Variants in RALGAPA1 observed in about 807,000 individuals in gnomAD.
RALGAPA1 encodes ral GTPase-activating protein subunit alpha-1.
A neutral mutation model predicts 269.6 loss-of-function variants in RALGAPA1; 52 were observed. That is an observed-to-expected ratio of 0.19 (90% CI 0.15 to 0.24). The LOEUF (loss-of-function observed/expected upper bound fraction) is 0.24. Among genes scored for constraint, RALGAPA1 ranks in the 10% least tolerant of loss-of-function variants. RALGAPA1 has a pLI of 1.00. For synonymous variants in RALGAPA1, 817 were observed against 1,008.3 expected (o/e 0.81, Z 3.60); for missense variants, 1,917 against 3,013.9 (o/e 0.64, Z 8.52).
At chr14:35,656,639 T>G (rs2063193213) in intron 28 of RALGAPA1, among the ~76,000 whole-genome samples, 1 of 152,208 alleles carries the variant, frequency 6.6e-6, no homozygotes, top group Admixed American at 6.5e-5. Flanking sequence ...ATATGCCATG[T>G]CCCGATACTG....
At chr14:35,574,749 T>G (rs986263225) in intron 37 of RALGAPA1, among the ~76,000 whole-genome samples, 4 of 152,152 alleles carry the variant, frequency 2.6e-5, no homozygotes, top group Non-Finnish European at 2.9e-5. Context: ...TAATAGAAAT[T>G]TCAGGCATAT....
intron 41 of RALGAPA1, among the ~76,000 whole-genome samples, chr14:35,543,461 T>G (rs921131291): frequency 2.0e-5 from 3 of 152,030 alleles, no homozygotes; most frequent in Non-Finnish European, 4.4e-5. Flanking sequence ...ACCATTAAAT[T>G]TAGTTTGAAG....
At chr14:35,799,604 A>C (rs189822101) in intron 1 of RALGAPA1, among the ~76,000 whole-genome samples, 3 of 152,148 alleles carry the variant, frequency 2.0e-5, no homozygotes, top group African/African-American at 7.2e-5. Context: ...ATAAATCATA[A>C]AGCAGTCACT....
At chr14:35,654,875 A>C (rs375857991) in intron 29 of RALGAPA1, among the ~76,000 whole-genome samples, 4 of 152,194 alleles carry the variant, frequency 2.6e-5, no homozygotes, top group African/African-American at 9.6e-5. Flanking sequence ...CCCCAATGGC[A>C]TAAAGACAAA....
At chr14:35,646,308 A>G (rs1172021633) in intron 31 of RALGAPA1, among the ~76,000 whole-genome samples, 1 of 152,228 alleles carries the variant, frequency 6.6e-6, no homozygotes, top group African/African-American at 2.4e-5. Context: ...AGGATTAAAC[A>G]GTAGCTTTAC....
Position 35,627,814 on chromosome 14 carries a change from T to C in RALGAPA1, c.6133A>G (p.Asn2045Asp). 6.3e-7 allele frequency: 1 copy of C among 1,575,746 alleles called. No individual in the cohort carries two copies. The highest frequency in any genetic ancestry group is 8.7e-7 in the Non-Finnish European group (1 of 1,152,252). ...AGTTCAGTACTTTCACTGTAATGATTGTCGTGATTTTCACACACCTGACTT... is the reference window on the plus strand; with the variant it reads ...AGTTCAGTACTTTCACTGTAATGATCGTCGTGATTTTCACACACCTGACTT... ...LTSQVCENHD[N>D]HYSESTELSP... The change falls in exon 34 of 42, where the codon AAT becomes GAT. Residue 2045 changes from asparagine (N) to aspartate (D), a missense_variant. This residue lies in a region of RALGAPA1 where 346 missense variants were observed against 566.1 expected (regional missense o/e 0.61). Coordinates refer to ENST00000680220, the MANE Select transcript of RALGAPA1 (RefSeq NM_001346249.2).
chr14:35,793,230 A>G (rs2076317767), intron 1 of RALGAPA1, among the ~76,000 whole-genome samples: 2 of 151,572 alleles, frequency 1.3e-5, no homozygotes, highest in Non-Finnish European at 2.9e-5. Flanking sequence ...TATTCTCTCC[A>G]AAGTCTACTT....
chr14:35,626,629 C>G (rs917700812), intron 34 of RALGAPA1, among the ~76,000 whole-genome samples: 10 of 152,100 alleles, frequency 6.6e-5, no homozygotes, highest in Admixed American at 5.9e-4. Flanking sequence ...TTAGCTCCTA[C>G]CTAACTTACT....
intron 29 of RALGAPA1, 24 bp from the exon 30 acceptor site, chr14:35,654,501 T>A: frequency 1.3e-6 from 2 of 1,568,226 alleles, no homozygotes; most frequent in Non-Finnish European, 1.7e-6. Context: ...AAAAAAGTTT[T>A]AAAAATTTTC....
intron 31 of RALGAPA1, among the ~76,000 whole-genome samples, chr14:35,648,403 T>C (rs1187026204): frequency 7.3e-5 from 11 of 149,774 alleles, no homozygotes; most frequent in South Asian, 2.1e-4. Flanking sequence ...GAGGCGGAGA[T>C]TGCAGTGAGC....
intron 9 of RALGAPA1, 31 bp downstream of exon 9, chr14:35,750,451 C>G (rs1334507188): frequency 6.3e-7 from 1 of 1,588,258 alleles, no homozygotes; most frequent in African/African-American, 1.3e-5. Flanking sequence ...CCATTTCTAA[C>G]TTTAACAGGC....
intron 1 of RALGAPA1, among the ~76,000 whole-genome samples, chr14:35,787,792 G>C (rs1165112109): frequency 6.6e-6 from 1 of 151,350 alleles, no homozygotes; most frequent in Non-Finnish European, 1.5e-5. Context: ...ATGTCGCCCA[G>C]GCTGGTCTCA....
At chr14:35,711,875 T>G (rs1172071185) in intron 16 of RALGAPA1, among the ~76,000 whole-genome samples, 3 of 152,216 alleles carry the variant, frequency 2.0e-5, no homozygotes, top group Admixed American at 2.0e-4. Context: ...CTGCTGTCAA[T>G]CATTTCACTA....
At chr14:35,795,529 G>C (rs2141848747) in intron 1 of RALGAPA1, among the ~76,000 whole-genome samples, 1 of 152,276 alleles carries the variant, frequency 6.6e-6, no homozygotes, top group East Asian at 1.9e-4. Flanking sequence ...CTCATAATTT[G>C]TGGGGCCTTG....
intron 6 of RALGAPA1, among the ~76,000 whole-genome samples, chr14:35,758,307 C>A (rs1020167043): frequency 6.8e-6 from 1 of 147,280 alleles, no homozygotes; most frequent in Non-Finnish European, 1.5e-5. Flanking sequence ...CAAACTTTAT[C>A]ATCTGTACTC....
Position 35,572,154 on chromosome 14 carries a change from G to A in RALGAPA1, c.7368+406C>T, listed in dbSNP as rs78406948. On this transcript the variant is annotated intron_variant, in intron 38 of 41. Coordinates refer to ENST00000680220, the MANE Select transcript of RALGAPA1 (RefSeq NM_001346249.2). ...TTGTAGAATCCTCATTTATTGACAT[G>A]ACTAATAATCATGCAATCTTAATAA... is the stretch of plus-strand genomic sequence containing the variant. Among the ~76,000 whole-genome samples, 9 of 152,098 alleles carry A rather than the reference G, an allele frequency of 5.9e-5. No homozygotes were observed. The East Asian group carries it at 1.2e-3, about 20-fold the overall frequency.
intron 21 of RALGAPA1, among the ~76,000 whole-genome samples, chr14:35,682,904 T>C (rs909671122): frequency 2.0e-5 from 3 of 152,146 alleles, no homozygotes; most frequent in Non-Finnish European, 2.9e-5. Flanking sequence ...GGAGGCAGGA[T>C]ATGAAAACAG....
intron 32 of RALGAPA1, among the ~76,000 whole-genome samples, chr14:35,635,120 G>A (rs997325022): frequency 2.6e-5 from 4 of 151,942 alleles, no homozygotes; most frequent in East Asian, 3.9e-4. Context: ...GCAGTGAGCC[G>A]AGATTGAGCC....
chr14:35,620,892 C>T (rs1387098935), intron 35 of RALGAPA1, among the ~76,000 whole-genome samples: 1 of 152,126 alleles, frequency 6.6e-6, no homozygotes, highest in African/African-American at 2.4e-5. Flanking sequence ...AATGCTCATG[C>T]TCATGGAGAG....
Sources: allele counts gnomAD v4.1 joint callset (sites outside exome capture counted in the v4.1 genomes callset), GRCh38; gene constraint gnomAD v4.1.1; regional missense constraint gnomAD v4.1.1; transcripts MANE v1.5; gene names NCBI Gene and HGNC (gene_info 2026-07-23, HGNC 2026-07-21).